NDRG2: variants seen among roughly 807,000 people sequenced by gnomAD.
NDRG2 encodes the protein NDRG family member 2.
A neutral mutation model predicts 58.2 loss-of-function variants in NDRG2; 34 were observed. The ratio of observed to expected loss-of-function variants is 0.58; its 90% CI spans 0.44 to 0.78. The LOEUF (loss-of-function observed/expected upper bound fraction) is 0.78. Among genes scored for constraint, NDRG2 ranks in the 30% least tolerant of loss-of-function variants. The probability of loss-of-function intolerance (pLI) is 0.00; values close to 1 mark genes in which losing one functional copy is unlikely to be tolerated. For missense variants in NDRG2, 434 were observed against 471.2 expected, an observed-to-expected ratio of 0.92 and a Z score of 0.73; for synonymous variants, 187 against 175.9, an observed-to-expected ratio of 1.06 and a Z score of -0.50.
intron 1 of NDRG2, chr14:21,031,320 C>T (rs939818223): frequency 2.0e-6 from 2 of 1,007,204 alleles, no homozygotes; most frequent in African/African-American, 3.3e-5. Flanking sequence ...GAAAATGTGG[C>T]CCAGAGAAGG....
At chr14:21,018,922 CTTCT>C in intron 11 of NDRG2, 108 bp from the exon 12 acceptor site, 3 of 1,432,936 alleles carry the variant, frequency 2.1e-6, no homozygotes, top group Non-Finnish European at 2.9e-6. Context: ...AGGAAAGACA[CTTCT>C]GTGTCTCCCT....
rs1879666452 is a variant in NDRG2, at chr14:21,020,675, C to T, written c.469-93G>A. ...ACCCACTCCTGGACTCCCACAGGGC[C>T]TGACTCCCCACCTAGTGCCCACTTC... On this transcript the variant is annotated intron_variant, in intron 7 of 15. Coordinates refer to ENST00000556147, the MANE Select transcript of NDRG2 (RefSeq NM_001320329.2). 11 of 1,575,096 alleles carry T rather than the reference C, an allele frequency of 7.0e-6. No homozygotes were observed. In the South Asian group the frequency reaches 1.1e-4, roughly 16 times the overall value.
At chr14:21,052,906 A>C (rs1463410540) in intron 1 of NDRG2, among the ~76,000 whole-genome samples, 1 of 152,142 alleles carries the variant, frequency 6.6e-6, no homozygotes, top group Non-Finnish European at 1.5e-5. Flanking sequence ...GTACAAGAGA[A>C]CCAATAAGAC....
chr14:21,033,473 G>A, intron 1 of NDRG2: 1 of 340,230 alleles, frequency 2.9e-6, no homozygotes, highest in Non-Finnish European at 5.5e-6. Context: ...GGTGTGAGCT[G>A]AGGCCCTGGG....
intron 1 of NDRG2, chr14:21,057,880 T>A: frequency 6.2e-7 from 1 of 1,609,708 alleles, no homozygotes; most frequent in Non-Finnish European, 8.5e-7. Flanking sequence ...TTCCACTGTC[T>A]CCCTTAAGAG....
Position 21,024,554 on chromosome 14 carries a change from A to G in NDRG2, c.-531T>C. ...CATGGCTGTTTCCCTCCACAATTTA[A>G]AAACAAACACAAAGATTGGTGCCGT... On this transcript the variant is annotated 5_prime_UTR_variant, in exon 1 of 16. Coordinates refer to ENST00000556147, the MANE Select transcript of NDRG2 (RefSeq NM_001320329.2). 7 of 985,462 alleles carry G rather than the reference A, an allele frequency of 7.1e-6. No individual in the cohort carries two copies. Among genetic ancestry groups the G allele is most frequent in the Non-Finnish European group, 7.2e-6 (6 of 829,960 alleles). 61.0% of individuals were successfully genotyped at this position (985,462 alleles called of 1,614,324 possible).
At position 21,031,079 on chromosome 14, in the gene NDRG2, C is replaced by A. The variant is rs565764016; in HGVS notation, c.25-7758G>T. The A allele has an allele frequency of 7.4e-6, 12 of 1,614,126 alleles. No individual in the cohort carries two copies. In the Admixed American group the frequency reaches 1.5e-4, roughly 20 times the overall value. ...GGCAGTGAAGGAACTGGGCCAGAAG[C>A]GCTTCAAAGGGAAGAGTCCAGATGA... is the stretch of plus-strand genomic sequence containing the variant. On this transcript the variant is annotated intron_variant, in intron 1 of 14. Coordinates refer to the NDRG2 transcript ENST00000403829.
In NDRG2 at chr14:21,020,534, G is replaced by T; in HGVS notation, c.517C>A (p.Pro173Thr). The T allele has an allele frequency of 6.2e-7, 1 of 1,613,802 alleles. No homozygotes were observed. The highest frequency in any genetic ancestry group is 8.5e-7 in the Non-Finnish European group (1 of 1,179,956). Residue 173 changes from proline (P) to threonine (T), a missense_variant, in exon 8 of 16, where the codon CCC becomes ACC. Transcript: ENST00000556147. ...CAATCCATCCAACCCTTGGCATTGG[G>T]ATCAATGTTGATGAGGACAAGACCT... Reference protein sequence around the residue: ...VEGLVLINIDPNAKGWMDWAA... With the variant: ...VEGLVLINIDTNAKGWMDWAA...
intron 3 of NDRG2, 68 bp downstream of exon 3, chr14:21,022,796 A>G: frequency 6.6e-6 from 10 of 1,505,836 alleles, no homozygotes; most frequent in Non-Finnish European, 9.1e-6. Flanking sequence ...GGCCAAGCAG[A>G]GGCCATCCTT....
At chr14:21,069,247 C>T (rs986049122) in intron 1 of NDRG2, among the ~76,000 whole-genome samples, 1 of 152,206 alleles carries the variant, frequency 6.6e-6, no homozygotes, top group African/African-American at 2.4e-5. Flanking sequence ...CAGACACTGT[C>T]GGGGGACGCT....
At chr14:21,026,152 G>GCA (rs147701833), upstream of NDRG2, among the ~76,000 whole-genome samples, 110 of 149,688 alleles carry the variant, frequency 7.3e-4, no homozygotes, top group South Asian at 2.3e-3. Flanking sequence ...ACACGCACAC[G>GCA]CACACACACA....
At chr14:21,049,834 G>A (rs1281440042) in intron 1 of NDRG2, among the ~76,000 whole-genome samples, 1 of 149,636 alleles carries the variant, frequency 6.7e-6, no homozygotes, top group Non-Finnish European at 1.5e-5. Flanking sequence ...GCACGATCTC[G>A]ACTCATTGCA....
chr14:21,070,131 A>G lies in NDRG2; in HGVS notation c.24+697T>C, dbSNP rs1886570310. The G allele has an allele frequency of 4.8e-6, 1 of 209,426 alleles. No homozygotes were observed. 13.0% of individuals were successfully genotyped at this position (209,426 alleles called of 1,614,324 possible). A position where few individuals can be genotyped will look rare whatever the true frequency, so the allele number is the denominator to read the frequency against. Reference sequence around the variant, plus strand: ...GCTGGGGACGCCCGGGGAACGGCAGAGATCTCGGCGCGGGAGACAGAGTCC... The same window carrying G: ...GCTGGGGACGCCCGGGGAACGGCAGGGATCTCGGCGCGGGAGACAGAGTCC... On this transcript the variant is annotated intron_variant, in intron 1 of 14. Transcript: ENST00000403829. The surrounding 1 kb of genome is among the most constrained non-coding windows in gnomAD (Gnocchi z 4.7).
At chr14:21,018,336 A>G in intron 13 of NDRG2, 97 bp from the exon 14 acceptor site, 1 of 1,602,886 alleles carries the variant, frequency 6.2e-7, no homozygotes, top group Non-Finnish European at 8.5e-7. Flanking sequence ...TCTTCACTCT[A>G]GCCCCTTTGT....
At chr14:21,062,804 C>T (rs1317874547) in intron 1 of NDRG2, among the ~76,000 whole-genome samples, 1 of 148,750 alleles carries the variant, frequency 6.7e-6, no homozygotes. Flanking sequence ...TGCAGTGGTG[C>T]GATCTCAGCT....
intron 1 of NDRG2, among the ~76,000 whole-genome samples, chr14:21,055,640 G>C (rs1885641890): frequency 6.6e-6 from 1 of 152,192 alleles, no homozygotes; most frequent in Non-Finnish European, 1.5e-5. Flanking sequence ...CAACGTATTT[G>C]GAATCAGAGC....
intron 1 of NDRG2, among the ~76,000 whole-genome samples, chr14:21,037,423 T>C (rs1368238723): frequency 6.6e-6 from 1 of 152,226 alleles, no homozygotes; most frequent in Non-Finnish European, 1.5e-5. Flanking sequence ...AAAAACTAAG[T>C]TCTAGAGTGA....
chr14:21,047,831 AC>A (rs1349940805), intron 1 of NDRG2, among the ~76,000 whole-genome samples: 1 of 152,074 alleles, frequency 6.6e-6, no homozygotes, highest in African/African-American at 2.4e-5. Context: ...TGGGGAGGAG[AC>A]TTTTCTACAT....
chr14:21,058,714 G>A (rs113962204), intron 1 of NDRG2, among the ~76,000 whole-genome samples: 1,754 of 152,310 alleles, frequency 0.012, 36 homozygotes, highest in African/African-American at 0.04. Context: ...CCTTGGAAGG[G>A]CTGTGGCTGG....
Sources: gnomAD v4.1 joint callset for allele counts (sites outside exome capture counted in the v4.1 genomes callset) on GRCh38, gnomAD v4.1.1 for gene constraint, Gnocchi (gnomAD v3.1) non-coding constraint, MANE v1.5 for transcripts, NCBI Gene and HGNC (gene_info 2026-07-23, HGNC 2026-07-21) for gene names.